The following DSCAML1 variants were observed in gnomAD, a reference collection of about 807,000 sequenced individuals.
DSCAML1 encodes cell adhesion molecule DSCAML1.
DSCAML1 carries 38 observed loss-of-function variants against 200.5 expected under a neutral mutation model. The ratio of observed to expected loss-of-function variants is 0.19; its 90% CI spans 0.15 to 0.25. The LOEUF is 0.25. Ranked by LOEUF, DSCAML1 falls within the 10% of genes least tolerant of loss-of-function variation. The pLI is 1.00. For missense variants in DSCAML1, 2,223 were observed against 2,858.8 expected (o/e 0.78, Z 5.07); for synonymous variants, 1,215 against 1,165.0 (o/e 1.04, Z -0.87).
chr11:117,770,478 C>T (rs1380814359), intron 3 of DSCAML1, among the ~76,000 whole-genome samples: 4 of 152,162 alleles, frequency 2.6e-5, no homozygotes, highest in South Asian at 2.1e-4. Context: ...AGATTAGACA[C>T]TGGTAATGCC....
At chr11:117,792,089 G>A (rs1331301771) in intron 1 of DSCAML1, among the ~76,000 whole-genome samples, 2 of 152,126 alleles carry the variant, frequency 1.3e-5, no homozygotes, top group African/African-American at 4.8e-5. Flanking sequence ...TATGAAATTG[G>A]ATAATGAATA....
At chr11:117,595,248 T>C (rs1255949569) in intron 3 of DSCAML1, among the ~76,000 whole-genome samples, 1 of 152,162 alleles carries the variant, frequency 6.6e-6, no homozygotes, top group African/African-American at 2.4e-5. Flanking sequence ...CCACTGTCTC[T>C]GGGGGGCTTT....
intron 2 of DSCAML1, among the ~76,000 whole-genome samples, chr11:117,777,347 C>G (rs893214951): frequency 1.3e-5 from 2 of 152,200 alleles, no homozygotes; most frequent in Non-Finnish European, 2.9e-5. Context: ...TAGAATTCCC[C>G]TAAGAAAACC....
chr11:117,573,739 T>C (rs1264538976), intron 3 of DSCAML1, among the ~76,000 whole-genome samples: 1 of 152,208 alleles, frequency 6.6e-6, no homozygotes, highest in Admixed American at 6.5e-5. Context: ...CCCTTACGCT[T>C]CCAGAAGACA....
chr11:117,796,963 C>T (rs959048698), intron 1 of DSCAML1, 71 bp downstream of exon 1: 11 of 1,182,878 alleles, frequency 9.3e-6, no homozygotes, highest in Admixed American at 4.4e-5. Context: ...CGCCGGGCAC[C>T]CCGCCTCGCC....
intron 1 of DSCAML1, among the ~76,000 whole-genome samples, chr11:117,813,772 C>T (rs1233383927): frequency 1.3e-5 from 2 of 152,192 alleles, no homozygotes; most frequent in African/African-American, 2.4e-5. Context: ...CCCCTAATCC[C>T]GCTTGAAGCA....
chr11:117,447,844 C>T (rs1002970924), intron 20 of DSCAML1, among the ~76,000 whole-genome samples: 4 of 152,212 alleles, frequency 2.6e-5, no homozygotes, highest in African/African-American at 4.8e-5. Flanking sequence ...CCCTAGCACC[C>T]TCTCCCAGAG....
intron 3 of DSCAML1, among the ~76,000 whole-genome samples, chr11:117,544,318 G>T (rs1045398332): frequency 6.6e-6 from 1 of 152,228 alleles, no homozygotes; most frequent in Non-Finnish European, 1.5e-5. Context: ...TCAGCCTGCA[G>T]TGTGGAGCCT....
At chr11:117,594,324 C>T (rs1439850747) in intron 3 of DSCAML1, among the ~76,000 whole-genome samples, 1 of 152,194 alleles carries the variant, frequency 6.6e-6, no homozygotes, top group Non-Finnish European at 1.5e-5. Flanking sequence ...ATTTAGTATC[C>T]TTGGGTTTTG....
chr11:117,485,067 A>C (rs10892125), intron 11 of DSCAML1, among the ~76,000 whole-genome samples: 83,874 of 151,868 alleles, frequency 0.55, 24,237 homozygotes, highest in African/African-American at 0.7. Context: ...TACAAAGGCA[A>C]CCCCACCATG....
At chr11:117,677,500 T>C (rs1363310783) in intron 3 of DSCAML1, among the ~76,000 whole-genome samples, 2 of 151,286 alleles carry the variant, frequency 1.3e-5, no homozygotes, top group African/African-American at 2.4e-5. Flanking sequence ...GGGAGGGTGC[T>C]GAGGAAGTCC....
intron 18 of DSCAML1, among the ~76,000 whole-genome samples, chr11:117,460,617 G>T (rs1049027515): frequency 3.9e-5 from 6 of 152,170 alleles, no homozygotes; most frequent in Non-Finnish European, 8.8e-5. Flanking sequence ...GTCACGTGAA[G>T]GTCTGTGTAC....
intron 3 of DSCAML1, among the ~76,000 whole-genome samples, chr11:117,740,806 G>T (rs563612717): frequency 6.6e-6 from 1 of 152,376 alleles, no homozygotes; most frequent in East Asian, 1.9e-4. Flanking sequence ...TATGGCCACA[G>T]ATTTGTTGCT....
At chr11:117,443,814 G>C in intron 21 of DSCAML1, 72 bp downstream of exon 21, 2 of 1,512,932 alleles carry the variant, frequency 1.3e-6, no homozygotes, top group Non-Finnish European at 1.8e-6. Flanking sequence ...GACCCTGTCT[G>C]GGGAGAACCA....
chr11:117,435,007 T>C (rs2047883714), intron 27 of DSCAML1, among the ~76,000 whole-genome samples: 2 of 152,244 alleles, frequency 1.3e-5, no homozygotes, highest in African/African-American at 4.8e-5. Flanking sequence ...TCTATAGTCT[T>C]GCAGTATCTA....
intron 1 of DSCAML1, among the ~76,000 whole-genome samples, chr11:117,783,324 G>A (rs1412760232): frequency 2.6e-5 from 4 of 152,158 alleles, no homozygotes; most frequent in Non-Finnish European, 5.9e-5. Context: ...CATTGTGCCT[G>A]TAAATGGACT....
In DSCAML1 at chr11:117,469,096, G is replaced by A. The variant is rs1176189130; in HGVS notation, c.3024+814C>T. On this transcript the variant is annotated intron_variant, in intron 16 of 32. Coordinates refer to ENST00000651296, the MANE Select transcript of DSCAML1 (RefSeq NM_020693.4). This position sits in a 1 kb window ranked among gnomAD's most constrained non-coding sequence, Gnocchi z 4.1. ...CTGCAGACTCTGTGTTGCAGTCTGA[G>A]CTCTGTCTCTGCTAGCCAGGCCACC... is the stretch of plus-strand genomic sequence containing the variant. Among the ~76,000 whole-genome samples the A allele has an allele frequency of 1.3e-5, 2 of 152,202 alleles. No homozygotes were observed. The highest frequency in any genetic ancestry group is 3.9e-4 in the East Asian group (2 of 5,186).
chr11:117,771,667 C>T (rs11825298), intron 3 of DSCAML1, among the ~76,000 whole-genome samples: 20,697 of 152,158 alleles, frequency 0.14, 1,464 homozygotes, highest in African/African-American at 0.16. Context: ...GGCTCACATC[C>T]GGGCCACATC....
At chr11:117,532,981 A>T (rs2050108854) in intron 3 of DSCAML1, among the ~76,000 whole-genome samples, 1 of 151,046 alleles carries the variant, frequency 6.6e-6, no homozygotes, top group Non-Finnish European at 1.5e-5. Context: ...AAAAAAAAAA[A>T]ATTAAACAAT....
Sources: allele counts gnomAD v4.1 joint callset (sites outside exome capture counted in the v4.1 genomes callset), GRCh38; gene constraint gnomAD v4.1.1; non-coding constraint Gnocchi (gnomAD v3.1); transcripts MANE v1.5; gene names NCBI Gene and HGNC (gene_info 2026-07-23, HGNC 2026-07-21).